DENND5B: variants seen among roughly 807,000 people sequenced by gnomAD.
The protein encoded by DENND5B is DENN domain containing 5B.
Under a neutral mutation model 140.6 loss-of-function variants are expected in DENND5B, and 34 were observed. The observed-to-expected ratio is 0.24, with a 90% CI of 0.18 to 0.32. The LOEUF (loss-of-function observed/expected upper bound fraction) is 0.32. Ranked by LOEUF, DENND5B falls within the 10% of genes least tolerant of loss-of-function variation. The probability of loss-of-function intolerance (pLI) is 1.00; values close to 1 mark genes in which losing one functional copy is unlikely to be tolerated. For missense variants in DENND5B, 1,142 were observed against 1,560.2 expected, an observed-to-expected ratio of 0.73 and a Z score of 4.52; for synonymous variants, 551 against 562.1, an observed-to-expected ratio of 0.98 and a Z score of 0.28.
chr12:31,560,763 T>C (rs1291213341), intron 1 of DENND5B, among the ~76,000 whole-genome samples: 3 of 152,148 alleles, frequency 2.0e-5, no homozygotes, highest in Non-Finnish European at 1.5e-5. Flanking sequence ...CCAGACTCTT[T>C]AGGGTTACTC....
chr12:31,443,064 G>A, intron 6 of DENND5B, 139 bp from the exon 7 acceptor site: 1 of 728,448 alleles, frequency 1.4e-6, no homozygotes. Flanking sequence ...GTGTGTGTGT[G>A]CACGCACGCA....
intron 1 of DENND5B, among the ~76,000 whole-genome samples, chr12:31,529,140 G>T (rs1323368679): frequency 7.3e-6 from 1 of 137,206 alleles, no homozygotes; most frequent in Non-Finnish European, 1.5e-5. Flanking sequence ...TCCAGCCTGC[G>T]CAACAGAGCG....
intron 1 of DENND5B, among the ~76,000 whole-genome samples, chr12:31,560,363 A>AC (rs1173193417): frequency 6.6e-6 from 1 of 151,908 alleles, no homozygotes; most frequent in East Asian, 1.9e-4. Context: ...TTTCTCTCAC[A>AC]CCCCGCCTTT....
At chr12:31,495,080 T>C (rs1390438514) in intron 2 of DENND5B, among the ~76,000 whole-genome samples, 1 of 152,032 alleles carries the variant, frequency 6.6e-6, no homozygotes, top group East Asian at 1.9e-4. Flanking sequence ...TTGCTTTTCA[T>C]CTTTACACTG....
intron 2 of DENND5B, among the ~76,000 whole-genome samples, chr12:31,483,043 C>A (rs1358442796): frequency 6.6e-6 from 1 of 152,228 alleles, no homozygotes; most frequent in Admixed American, 6.5e-5. Flanking sequence ...TATGAACACA[C>A]CCCGCGTGCT....
At chr12:31,570,443 T>A (rs972232533) in intron 1 of DENND5B, among the ~76,000 whole-genome samples, 1 of 151,598 alleles carries the variant, frequency 6.6e-6, no homozygotes, top group Admixed American at 6.6e-5. Context: ...CACACCCGGC[T>A]AATTTTTGTA....
intron 3 of DENND5B, among the ~76,000 whole-genome samples, chr12:31,462,114 G>A (rs1380150545): frequency 6.6e-6 from 1 of 152,164 alleles, no homozygotes; most frequent in Non-Finnish European, 1.5e-5. Flanking sequence ...ACAAACACCA[G>A]GTGGCCTAAA....
intron 1 of DENND5B, among the ~76,000 whole-genome samples, chr12:31,586,579 C>T (rs1222602314): frequency 6.6e-6 from 1 of 152,144 alleles, no homozygotes; most frequent in Non-Finnish European, 1.5e-5. Context: ...TCTTCCATTG[C>T]TGTTTAAGCT....
chr12:31,438,733 C>T (rs978654644), intron 7 of DENND5B, among the ~76,000 whole-genome samples: 16 of 95,902 alleles, frequency 1.7e-4, no homozygotes, highest in Admixed American at 3.2e-4. Context: ...GCCTTGAAAA[C>T]AGCCCTGTAG....
intron 1 of DENND5B, among the ~76,000 whole-genome samples, chr12:31,501,157 G>A (rs1183157886): frequency 1.3e-5 from 2 of 152,188 alleles, no homozygotes; most frequent in African/African-American, 2.4e-5. Context: ...CACACCGTGG[G>A]AGGGACCCAG....
intron 13 of DENND5B, 137 bp downstream of exon 13, chr12:31,413,299 G>A (rs1008002665): frequency 3.2e-5 from 35 of 1,078,362 alleles, no homozygotes; most frequent in African/African-American, 4.8e-5. Flanking sequence ...CAAAGCACAC[G>A]CCTGTTAGAT....
chr12:31,460,086 G>T (rs1944946258), intron 4 of DENND5B, 108 bp downstream of exon 4: 2 of 1,074,110 alleles, frequency 1.9e-6, no homozygotes, highest in African/African-American at 1.6e-5. Context: ...AGATTTAGGA[G>T]AGTCAAAGAG....
At chr12:31,508,330 C>A (rs1051991916) in intron 1 of DENND5B, among the ~76,000 whole-genome samples, 1 of 152,126 alleles carries the variant, frequency 6.6e-6, no homozygotes, top group East Asian at 1.9e-4. Flanking sequence ...ACAAGGAACT[C>A]AGTTAAGCTT....
intron 15 of DENND5B, among the ~76,000 whole-genome samples, chr12:31,401,572 A>G (rs993024938): frequency 6.6e-6 from 1 of 152,128 alleles, no homozygotes; most frequent in Non-Finnish European, 1.5e-5. Flanking sequence ...GCTTAACCCC[A>G]TGGAACTATT....
intron 9 of DENND5B, 104 bp downstream of exon 9, chr12:31,426,189 T>C (rs1237737252): frequency 7.3e-7 from 1 of 1,376,110 alleles, no homozygotes; most frequent in Non-Finnish European, 9.6e-7. Context: ...AGTTTTCTTC[T>C]AGCAAAATTA....
At chr12:31,402,759 C>T in intron 14 of DENND5B, 116 bp from the exon 15 acceptor site, 1 of 1,221,342 alleles carries the variant, frequency 8.2e-7, no homozygotes, top group Non-Finnish European at 1.1e-6. Flanking sequence ...TATGAGCTAT[C>T]AAGATGTACT....
intron 15 of DENND5B, among the ~76,000 whole-genome samples, chr12:31,400,895 T>C (rs1593064063): frequency 6.7e-6 from 1 of 148,244 alleles, no homozygotes; most frequent in South Asian, 2.1e-4. Flanking sequence ...CAGGCTGGAG[T>C]GCAATGGTGC....
intron 3 of DENND5B, among the ~76,000 whole-genome samples, chr12:31,470,949 CT>C (rs1715273405): frequency 6.6e-6 from 1 of 152,156 alleles, no homozygotes; most frequent in Admixed American, 6.5e-5. Context: ...GTAAAAGTAA[CT>C]AATGGAATTT....
chr12:31,472,948 T>TA (rs71062435), intron 3 of DENND5B, among the ~76,000 whole-genome samples: 22,622 of 148,196 alleles, frequency 0.15, 1,954 homozygotes, highest in Non-Finnish European at 0.2. Flanking sequence ...GAAGTCTTTT[T>TA]AAAAAAAAAA....
Sources: gnomAD v4.1 joint callset for allele counts (sites outside exome capture counted in the v4.1 genomes callset) on GRCh38, gnomAD v4.1.1 for gene constraint, MANE v1.5 for transcripts, NCBI Gene and HGNC (gene_info 2026-07-23, HGNC 2026-07-21) for gene names.